The following MYO1D variants were observed in gnomAD, a reference collection of about 807,000 sequenced individuals.
MYO1D encodes unconventional myosin-Id.
A neutral mutation model predicts 122.0 loss-of-function variants in MYO1D; 83 were observed. That is an observed-to-expected ratio of 0.68 (90% CI 0.57 to 0.82). The LOEUF is 0.82. Among genes scored for constraint, MYO1D ranks in the 40% least tolerant of loss-of-function variants. The probability of loss-of-function intolerance (pLI) is 0.00; values close to 1 mark genes in which losing one functional copy is unlikely to be tolerated. For synonymous variants in MYO1D, 464 were observed against 446.9 expected, an observed-to-expected ratio of 1.04 and a Z score of -0.48; for missense variants, 1,157 against 1,269.5, an observed-to-expected ratio of 0.91 and a Z score of 1.35.
At chr17:32,620,433 T>C (rs188869856) in intron 20 of MYO1D, among the ~76,000 whole-genome samples, 96 of 152,302 alleles carry the variant, frequency 6.3e-4, no homozygotes, top group Admixed American at 1.6e-3. Flanking sequence ...CCCTTTCTTG[T>C]ACTTTTGGCA....
At chr17:32,642,507 T>C (rs920965589) in intron 19 of MYO1D, among the ~76,000 whole-genome samples, 1 of 152,346 alleles carries the variant, frequency 6.6e-6, no homozygotes, top group Non-Finnish European at 1.5e-5. Flanking sequence ...ACTGAATCTA[T>C]AAATTACCTT....
At chr17:32,722,157 T>TA (rs1567965923) in intron 14 of MYO1D, among the ~76,000 whole-genome samples, 1 of 152,152 alleles carries the variant, frequency 6.6e-6, no homozygotes, top group African/African-American at 2.4e-5. Flanking sequence ...TTTCAACACC[T>TA]AAAAAAAGAA....
At chr17:32,500,728 C>G (rs1179624774) in intron 21 of MYO1D, among the ~76,000 whole-genome samples, 1 of 152,146 alleles carries the variant, frequency 6.6e-6, no homozygotes, top group African/African-American at 2.4e-5. Context: ...ATTGAGGGGC[C>G]AGGCGCAGTG....
intron 14 of MYO1D, among the ~76,000 whole-genome samples, chr17:32,726,933 T>A (rs1427939810): frequency 2.6e-5 from 4 of 152,158 alleles, no homozygotes; most frequent in Non-Finnish European, 2.9e-5. Flanking sequence ...TTGTATTTCC[T>A]AGGAAGGAGG....
At chr17:32,802,251 A>AT (rs1223256033) in intron 1 of MYO1D, among the ~76,000 whole-genome samples, 1 of 152,254 alleles carries the variant, frequency 6.6e-6, no homozygotes, top group African/African-American at 2.4e-5. Flanking sequence ...TATTTTGCTA[A>AT]TAAGCTTCCT....
At chr17:32,809,125 TG>T (rs2090546448) in intron 1 of MYO1D, among the ~76,000 whole-genome samples, 1 of 136,930 alleles carries the variant, frequency 7.3e-6, no homozygotes, top group South Asian at 2.5e-4. Context: ...TATTCATTTT[TG>T]TTTTTGATAA....
In MYO1D at chr17:32,610,674, T is replaced by G. The variant is rs113709843; in HGVS notation, c.2710-5433A>C. Among the ~76,000 whole-genome samples, 88 of 152,198 alleles carry G rather than the reference T, an allele frequency of 5.8e-4. 1 individual carries two copies. The highest frequency in any genetic ancestry group is 2.1e-3 in the African/African-American group (86 of 41,520). On this transcript the variant is annotated intron_variant, in intron 20 of 21. Coordinates refer to ENST00000318217, the MANE Select transcript of MYO1D (RefSeq NM_015194.3). Reference sequence around the variant, plus strand: ...AGTAGCAACTCTGGAGTACAAAAAGTAAATAAGCAAAAAAACCCTCTGTCT... The same window carrying G: ...AGTAGCAACTCTGGAGTACAAAAAGGAAATAAGCAAAAAAACCCTCTGTCT...
intron 1 of MYO1D, among the ~76,000 whole-genome samples, chr17:32,836,477 T>A (rs764328278): frequency 3.3e-5 from 5 of 152,114 alleles, no homozygotes; most frequent in Non-Finnish European, 7.4e-5. Flanking sequence ...CCCAGTTAAT[T>A]CTCCCACCCA....
Position 32,712,302 on chromosome 17 carries a change from A to C in MYO1D, c.1914-107T>G, listed in dbSNP as rs1384136263. 8 of 970,844 alleles carry C rather than the reference A, an allele frequency of 8.2e-6. No homozygotes were observed. The African/African-American group carries it at 1.3e-4, about 16-fold the overall frequency. The allele number at this position is 970,844 out of a possible 1,614,324, so 60.1% of individuals were successfully genotyped here. On this transcript the variant is annotated intron_variant, in intron 15 of 21. Transcript: ENST00000318217. ...ACCTCATAGAAAACCAAATCTTAGCAAACTATCAATAGAATTTCATTAGCC... is the reference window on the plus strand; with the variant it reads ...ACCTCATAGAAAACCAAATCTTAGCCAACTATCAATAGAATTTCATTAGCC...
intron 21 of MYO1D, among the ~76,000 whole-genome samples, chr17:32,501,743 CTT>C (rs988795018): frequency 6.6e-6 from 1 of 152,238 alleles, no homozygotes; most frequent in South Asian, 2.1e-4. Flanking sequence ...CTGTCTGTCT[CTT>C]TATCTGCTGT....
intron 19 of MYO1D, among the ~76,000 whole-genome samples, chr17:32,653,607 CAAAAAAA>C (rs35172819): frequency 1.0e-5 from 1 of 99,994 alleles, no homozygotes; most frequent in Non-Finnish European, 2.0e-5. Flanking sequence ...ACTCCGTCTC[CAAAAAAA>C]AAAAAAAAAA....
At position 32,503,145 on chromosome 17, in the gene MYO1D, G is replaced by T. The variant is rs200902292; in HGVS notation, c.2865-8230C>A. Among the ~76,000 whole-genome samples the T allele has an allele frequency of 2.0e-5, 3 of 152,352 alleles. No individual in the cohort carries two copies. The East Asian group carries it at 5.8e-4, about 29-fold the overall frequency. On this transcript the variant is annotated intron_variant, in intron 21 of 21. Transcript: ENST00000318217. ...CTTGATCTATGGAATGAACAAACAT[G>T]TTCCCTGTGCTACCTGTGCCTTCGC...
At chr17:32,682,464 C>G (rs970389377) in intron 16 of MYO1D, among the ~76,000 whole-genome samples, 8 of 149,988 alleles carry the variant, frequency 5.3e-5, no homozygotes, top group Non-Finnish European at 1.2e-4. Context: ...CAAAATCTCT[C>G]AGCATTTGCT....
intron 16 of MYO1D, among the ~76,000 whole-genome samples, chr17:32,685,779 A>T (rs2088996526): frequency 6.6e-6 from 1 of 152,242 alleles, no homozygotes; most frequent in Admixed American, 6.5e-5. Context: ...TACGTTGCTA[A>T]CTTAGCTTTA....
intron 16 of MYO1D, among the ~76,000 whole-genome samples, chr17:32,684,456 A>G: frequency 6.6e-6 from 1 of 152,176 alleles, no homozygotes; most frequent in East Asian, 1.9e-4. Context: ...TGTATTTCCA[A>G]AGAGTACCTA....
intron 21 of MYO1D, among the ~76,000 whole-genome samples, chr17:32,496,552 C>T (rs1418323667): frequency 1.3e-5 from 2 of 152,194 alleles, no homozygotes; most frequent in African/African-American, 4.8e-5. Context: ...GGCTCATGTG[C>T]AGCCCTTGGC....
At chr17:32,621,578 A>C (rs1225245467) in intron 20 of MYO1D, among the ~76,000 whole-genome samples, 1 of 152,198 alleles carries the variant, frequency 6.6e-6, no homozygotes, top group African/African-American at 2.4e-5. Context: ...TATCAAAGCC[A>C]ACCCTTAATT....
intron 4 of MYO1D, among the ~76,000 whole-genome samples, chr17:32,773,189 T>C (rs1371493130): frequency 6.6e-6 from 1 of 152,180 alleles, no homozygotes; most frequent in East Asian, 1.9e-4. Context: ...CGGCCTCTTT[T>C]TACTCTCTTC....
chr17:32,704,714 T>A (rs1432776690), intron 16 of MYO1D, among the ~76,000 whole-genome samples: 1 of 152,080 alleles, frequency 6.6e-6, no homozygotes, highest in Admixed American at 6.6e-5. Context: ...ATGAGACCTG[T>A]GAGAGTGAAG....
Sources: gnomAD v4.1 joint callset for allele counts (sites outside exome capture counted in the v4.1 genomes callset) on GRCh38, gnomAD v4.1.1 for gene constraint, MANE v1.5 for transcripts, NCBI Gene and HGNC (gene_info 2026-07-23, HGNC 2026-07-21) for gene names.